BAZ2B: variants seen among roughly 807,000 people sequenced by gnomAD.
The protein encoded by BAZ2B is bromodomain adjacent to zinc finger domain protein 2B.
In BAZ2B, 91 loss-of-function variants were observed where a neutral mutation model predicts 246.0. The observed-to-expected ratio is 0.37, with a 90% CI of 0.31 to 0.44. The LOEUF (loss-of-function observed/expected upper bound fraction) is 0.44, where lower values mean the gene tolerates loss of function less well. BAZ2B is among the 20% of genes least tolerant of loss of function. The pLI, the probability that BAZ2B is intolerant of heterozygous loss-of-function variation, is 1.00. For synonymous variants in BAZ2B, 855 were observed against 860.0 expected, an observed-to-expected ratio of 0.99 and a Z score of 0.10; for missense variants, 2,332 against 2,533.7, an observed-to-expected ratio of 0.92 and a Z score of 1.71.
chr2:159,400,900 A>G (rs536836375), intron 16 of BAZ2B, among the ~76,000 whole-genome samples: 4 of 152,048 alleles, frequency 2.6e-5, no homozygotes, highest in African/African-American at 9.7e-5. Flanking sequence ...AAAAATTAGC[A>G]GGGCTTGGTG....
At chr2:159,539,885 G>C (rs1290420229) in intron 2 of BAZ2B, among the ~76,000 whole-genome samples, 1 of 151,694 alleles carries the variant, frequency 6.6e-6, no homozygotes, top group South Asian at 2.1e-4. Flanking sequence ...TTCACAACAC[G>C]ACACCTGGCT....
the BAZ2B span, among the ~76,000 whole-genome samples, chr2:159,638,684 T>C: frequency 1.3e-5 from 2 of 151,594 alleles, no homozygotes; most frequent in Non-Finnish European, 2.9e-5. Context: ...AGACAAGCTA[T>C]TTAAAAATAC....
chr2:159,386,183 A>T (rs2062634548), intron 22 of BAZ2B, among the ~76,000 whole-genome samples, 170 bp downstream of exon 22: 1 of 152,130 alleles, frequency 6.6e-6, no homozygotes, highest in Non-Finnish European at 1.5e-5. Context: ...CTTTATAACC[A>T]GGTTTTCTTT....
At chr2:159,423,310 T>C (rs1023411159) in intron 13 of BAZ2B, among the ~76,000 whole-genome samples, 2 of 83,274 alleles carry the variant, frequency 2.4e-5, no homozygotes, top group African/African-American at 7.7e-5. Flanking sequence ...AGCAAGACTC[T>C]ATCTAAACAA....
chr2:159,490,675 A>G (rs1236465841), intron 2 of BAZ2B, among the ~76,000 whole-genome samples: 1 of 151,200 alleles, frequency 6.6e-6, no homozygotes, highest in Non-Finnish European at 1.5e-5. Context: ...GGCTCATGCC[A>G]GCACACCTGG....
chr2:159,472,262 T>G (rs1422254146), intron 3 of BAZ2B, among the ~76,000 whole-genome samples: 1 of 152,222 alleles, frequency 6.6e-6, no homozygotes, highest in East Asian at 1.9e-4. Context: ...GTTTGTCTAT[T>G]ATTGCTGTAT....
intron 31 of BAZ2B, among the ~76,000 whole-genome samples, chr2:159,340,758 T>G (rs2066546367): frequency 1.3e-5 from 2 of 151,982 alleles, no homozygotes; most frequent in South Asian, 2.1e-4. Context: ...CAAGAAATGC[T>G]CAAGGACTCC....
intron 2 of BAZ2B, among the ~76,000 whole-genome samples, chr2:159,514,595 G>A (rs181412694): frequency 1.3e-5 from 2 of 152,258 alleles, no homozygotes; most frequent in African/African-American, 4.8e-5. Flanking sequence ...ATGGTTAAGG[G>A]TATGACACTG....
At chr2:159,348,412 A>T (rs572437610) in intron 30 of BAZ2B, among the ~76,000 whole-genome samples, 2 of 150,368 alleles carry the variant, frequency 1.3e-5, no homozygotes, top group Non-Finnish European at 3.0e-5. Context: ...TAGGTTACTT[A>T]TAGTACCTGA....
At chr2:159,457,461 C>T (rs2075915456) in intron 3 of BAZ2B, among the ~76,000 whole-genome samples, 1 of 152,204 alleles carries the variant, frequency 6.6e-6, no homozygotes, top group African/African-American at 2.4e-5. Context: ...CCATGGGACT[C>T]ATTCCAAAGG....
At chr2:159,610,029 T>G (rs1469062192) in intron 1 of BAZ2B, among the ~76,000 whole-genome samples, 1 of 152,172 alleles carries the variant, frequency 6.6e-6, no homozygotes, top group Non-Finnish European at 1.5e-5. Context: ...GCAGTAAGCT[T>G]CTGAACAAAT....
At chr2:159,475,721 C>G (rs780883654) in intron 3 of BAZ2B, among the ~76,000 whole-genome samples, 2 of 152,094 alleles carry the variant, frequency 1.3e-5, no homozygotes, top group Non-Finnish European at 2.9e-5. Context: ...TGTTGTTGAC[C>G]TTTGGATGGC....
chr2:159,495,932 C>G (rs1577766520), intron 2 of BAZ2B, among the ~76,000 whole-genome samples: 2 of 151,314 alleles, frequency 1.3e-5, no homozygotes, highest in East Asian at 4.0e-4. Context: ...CCCGCCCAGC[C>G]AATTTTTTTT....
At chr2:159,632,284 A>C in the BAZ2B span, among the ~76,000 whole-genome samples, 1 of 152,188 alleles carries the variant, frequency 6.6e-6, no homozygotes, top group Non-Finnish European at 1.5e-5. Flanking sequence ...AGTCACACAA[A>C]GCTGTGTAGG....
chr2:159,406,213 A>G (rs1247781127), intron 14 of BAZ2B, among the ~76,000 whole-genome samples: 1 of 152,246 alleles, frequency 6.6e-6, no homozygotes, highest in Admixed American at 6.5e-5. Flanking sequence ...TGATGAAAAC[A>G]GAGCTTGAAA....
chr2:159,708,061 A>T, the BAZ2B span, among the ~76,000 whole-genome samples: 2 of 152,128 alleles, frequency 1.3e-5, no homozygotes, highest in Non-Finnish European at 1.5e-5. Flanking sequence ...CTGTAATTCC[A>T]GTACTTTGGG....
intron 7 of BAZ2B, 44 bp downstream of exon 7, chr2:159,438,965 A>G: frequency 1.3e-6 from 2 of 1,572,306 alleles, no homozygotes; most frequent in South Asian, 1.1e-5. Flanking sequence ...GTTAATTCCT[A>G]AATATGAATA....
intron 2 of BAZ2B, among the ~76,000 whole-genome samples, chr2:159,503,040 G>A (rs537307899): frequency 1.3e-5 from 2 of 152,204 alleles, no homozygotes; most frequent in Admixed American, 6.5e-5. Flanking sequence ...TAATGCAGTA[G>A]CCTTCCAAGA....
At chr2:159,560,043 C>A (rs2089667459) in intron 1 of BAZ2B, among the ~76,000 whole-genome samples, 1 of 152,134 alleles carries the variant, frequency 6.6e-6, no homozygotes, top group Non-Finnish European at 1.5e-5. Flanking sequence ...TTTCAGCAAT[C>A]AGCACGTACT....
Sources: allele counts gnomAD v4.1 joint callset (sites outside exome capture counted in the v4.1 genomes callset), GRCh38; gene constraint gnomAD v4.1.1; transcripts MANE v1.5; gene names NCBI Gene and HGNC (gene_info 2026-07-23, HGNC 2026-07-21).